Variants in KCNH8 observed in about 807,000 individuals in gnomAD.
KCNH8 encodes the protein potassium voltage-gated channel subfamily H member 8, also known as voltage-gated delayed rectifier potassium channel KCNH8.
Under a neutral mutation model 103.6 loss-of-function variants are expected in KCNH8, and 70 were observed. That is an observed-to-expected ratio of 0.68 (90% CI 0.56 to 0.82). The LOEUF (loss-of-function observed/expected upper bound fraction) is 0.82, where lower values mean the gene tolerates loss of function less well. Ranked by LOEUF, KCNH8 falls within the 40% of genes least tolerant of loss-of-function variation. The pLI is 0.00. For synonymous variants in KCNH8, 498 were observed against 489.4 expected, an observed-to-expected ratio of 1.02 and a Z score of -0.23; for missense variants, 1,217 against 1,329.9, an observed-to-expected ratio of 0.92 and a Z score of 1.32.
chr3:19,518,018 G>A lies in KCNH8; in HGVS notation c.2563G>A (p.Val855Ile), dbSNP rs148330866. The A allele has an allele frequency of 6.2e-6, 10 of 1,612,134 alleles. No individual in the cohort carries two copies. The South Asian group carries it at 6.6e-5, about 11-fold the overall frequency. ...TTCAGATCCAGAGATTGGAGCTGCTGTTCTCTTCATCAAAGCAGAGGAGAC... is the reference window on the plus strand; with the variant it reads ...TTCAGATCCAGAGATTGGAGCTGCTATTCTCTTCATCAAAGCAGAGGAGAC... ...PLGDPEIGAA[V>I]LFIKAEETKQ... The change falls in exon 15 of 16, where the codon GTT (valine) becomes ATT (isoleucine). Residue 855 changes from valine (V) to isoleucine (I), a missense_variant. Coordinates refer to ENST00000328405, the MANE Select transcript of KCNH8 (RefSeq NM_144633.3).
At chr3:19,477,377 C>T (rs1469743807) in intron 11 of KCNH8, among the ~76,000 whole-genome samples, 3 of 151,234 alleles carry the variant, frequency 2.0e-5, no homozygotes, top group South Asian at 2.1e-4. Context: ...TGATGCCAGA[C>T]ATTGGACCGA....
chr3:19,253,532 G>A, intron 1 of KCNH8, 122 bp from the exon 2 acceptor site: 1 of 747,824 alleles, frequency 1.3e-6, no homozygotes, highest in Non-Finnish European at 2.3e-6. Flanking sequence ...TTCCACTGCA[G>A]CACATCAGAA....
chr3:19,203,481 C>G (rs115532587), intron 1 of KCNH8, among the ~76,000 whole-genome samples: 1 of 151,872 alleles, frequency 6.6e-6, no homozygotes, highest in Admixed American at 6.6e-5. Context: ...TACCAGACAA[C>G]TCAGAGAAAA....
At chr3:19,523,602 G>A (rs532472557) in intron 15 of KCNH8, among the ~76,000 whole-genome samples, 2 of 151,936 alleles carry the variant, frequency 1.3e-5, no homozygotes, top group Non-Finnish European at 1.5e-5. Flanking sequence ...CATTTGAAGC[G>A]TGGAGCACAG....
intron 1 of KCNH8, among the ~76,000 whole-genome samples, chr3:19,192,124 TA>T (rs2063558920): frequency 1.3e-5 from 2 of 151,636 alleles, no homozygotes; most frequent in South Asian, 4.1e-4. Flanking sequence ...ATGCAAGTTC[TA>T]AAGACAGGAA....
At position 19,500,961 on chromosome 3, in the gene KCNH8, C is replaced by T. The variant is rs576974944; in HGVS notation, c.2041-9402C>T. ...CTGAAGGAAATAGAGACACAAAAAA[C>T]CCTTCAAAAATTTAACAAATCCAGG... On this transcript the variant is annotated intron_variant, in intron 11 of 15. Coordinates refer to ENST00000328405, the MANE Select transcript of KCNH8 (RefSeq NM_144633.3). 1.0e-3 allele frequency among the ~76,000 whole-genome samples: 154 copies of T among 152,224 alleles called. 1 individual carries two copies. Among genetic ancestry groups the T allele is most frequent in the Non-Finnish European group, 1.6e-3 (108 of 68,016 alleles).
chr3:19,466,812 C>A (rs1031941591), intron 11 of KCNH8, among the ~76,000 whole-genome samples: 1 of 151,664 alleles, frequency 6.6e-6, no homozygotes, highest in African/African-American at 2.4e-5. Context: ...CAGGCATGTG[C>A]CACCCTGCCT....
chr3:19,269,087 G>T (rs370489679), intron 2 of KCNH8, among the ~76,000 whole-genome samples: 1 of 152,042 alleles, frequency 6.6e-6, no homozygotes, highest in Non-Finnish European at 1.5e-5. Flanking sequence ...TTTGGTTTAC[G>T]TGTGTTTGTT....
intron 2 of KCNH8, among the ~76,000 whole-genome samples, chr3:19,275,139 C>G (rs2064649696): frequency 6.6e-6 from 1 of 151,084 alleles, no homozygotes; most frequent in South Asian, 2.1e-4. Context: ...TCTAGAAAAC[C>G]TGAAAATAAA....
At chr3:19,476,728 T>C (rs1227243210) in intron 11 of KCNH8, among the ~76,000 whole-genome samples, 4 of 152,164 alleles carry the variant, frequency 2.6e-5, no homozygotes, top group Admixed American at 2.0e-4. Context: ...TTTCTTCACA[T>C]AATAGTGTGT....
At chr3:19,468,013 C>T (rs2067778631) in intron 11 of KCNH8, among the ~76,000 whole-genome samples, 1 of 152,054 alleles carries the variant, frequency 6.6e-6, no homozygotes. Context: ...CTTCTTTCTT[C>T]CTGTTGTGCT....
chr3:19,151,123 C>A (rs115824837), intron 1 of KCNH8, among the ~76,000 whole-genome samples: 1 of 151,754 alleles, frequency 6.6e-6, no homozygotes, highest in Non-Finnish European at 1.5e-5. Context: ...AATGGGTATA[C>A]CATTTTTCCA....
intron 6 of KCNH8, among the ~76,000 whole-genome samples, chr3:19,392,991 C>T (rs974058232): frequency 2.6e-5 from 4 of 151,890 alleles, no homozygotes; most frequent in African/African-American, 9.7e-5. Flanking sequence ...TGTCTAAAAC[C>T]TAAGAAGACC....
intron 11 of KCNH8, among the ~76,000 whole-genome samples, chr3:19,492,160 C>T (rs1396714653): frequency 1.3e-5 from 2 of 152,012 alleles, no homozygotes; most frequent in African/African-American, 4.8e-5. Context: ...TTTTGTTATG[C>T]AGAAGCTCTT....
intron 5 of KCNH8, among the ~76,000 whole-genome samples, chr3:19,364,804 A>C (rs527452115): frequency 6.6e-6 from 1 of 152,134 alleles, no homozygotes; most frequent in East Asian, 1.9e-4. Flanking sequence ...TTAAAATTGC[A>C]TTTGTTTTAC....
rs116701468 is a variant in KCNH8 at position 19,513,194 on chromosome 3, A to G, written c.2304A>G (p.Arg768=). ...CGGTGCCCTTTCACTCGCCTATCAGAGTCTCCAGGTCAAATTCCCCCAAAA... is the reference window on the plus strand; with the variant it reads ...CGGTGCCCTTTCACTCGCCTATCAGGGTCTCCAGGTCAAATTCCCCCAAAA... The part of the protein sequence containing the change: ...SGTVPFHSPI[R]VSRSNSPKTK... Residue 768 remains arginine (R), a synonymous_variant, in exon 13 of 16, where the codon AGA becomes AGG. Transcript: ENST00000328405. 590 of 1,613,956 alleles carry G rather than the reference A, an allele frequency of 3.7e-4. 2 individuals are homozygous for G. The African/African-American group carries it at 6.6e-3, about 18-fold the overall frequency.
At chr3:19,417,421 C>T (rs181903496) in intron 7 of KCNH8, among the ~76,000 whole-genome samples, 182 of 151,686 alleles carry the variant, frequency 1.2e-3, no homozygotes, top group African/African-American at 4.2e-3. Context: ...AAAAGGCCAA[C>T]TGAATAAGGT....
At chr3:19,455,063 G>GA (rs1463597745) in intron 10 of KCNH8, among the ~76,000 whole-genome samples, 1 of 152,028 alleles carries the variant, frequency 6.6e-6, no homozygotes, top group Non-Finnish European at 1.5e-5. Flanking sequence ...CTCTGCCAAT[G>GA]AAAAAAAGCT....
intron 5 of KCNH8, among the ~76,000 whole-genome samples, chr3:19,389,821 G>A (rs551434159): frequency 3.9e-5 from 6 of 152,038 alleles, no homozygotes; most frequent in African/African-American, 1.4e-4. Flanking sequence ...ATAGAGATGA[G>A]TTCTCGTTTT....
Sources: allele counts gnomAD v4.1 joint callset (sites outside exome capture counted in the v4.1 genomes callset), GRCh38; gene constraint gnomAD v4.1.1; transcripts MANE v1.5; gene names NCBI Gene and HGNC (gene_info 2026-07-23, HGNC 2026-07-21).